IYD: variants seen among roughly 807,000 people sequenced by gnomAD.
IYD encodes the protein iodotyrosine deiodinase 1.
Under a neutral mutation model 28.4 loss-of-function variants are expected in IYD, and 25 were observed. That is an observed-to-expected ratio of 0.88 (90% CI 0.64 to 1.23). IYD has a LOEUF of 1.23. IYD is among the 50% of genes most tolerant of loss of function. The probability of loss-of-function intolerance (pLI) is 0.00; values close to 1 mark genes in which losing one functional copy is unlikely to be tolerated. For missense variants in IYD, 352 were observed against 357.9 expected (o/e 0.98, Z 0.13); for synonymous variants, 140 against 130.8 (o/e 1.07, Z -0.48).
chr6:150,384,848 T>C (rs1020204819), intron 1 of IYD: 1 of 152,206 alleles, frequency 6.6e-6, no homozygotes, highest in African/African-American at 2.4e-5. Context: ...TATTGGAAAA[T>C]CTTCTTCTAA....
intron 1 of IYD, among the ~76,000 whole-genome samples, chr6:150,385,660 G>A (rs1441918294): frequency 6.6e-6 from 1 of 151,550 alleles, no homozygotes; most frequent in East Asian, 1.9e-4. Flanking sequence ...GTAGTTTTTT[G>A]TTCTCTTAAT....
chr6:150,395,819 G>A (rs1778291573), intron 4 of IYD: 7 of 611,546 alleles, frequency 1.1e-5, no homozygotes, highest in East Asian at 5.5e-5. Flanking sequence ...AGGGGCAGGC[G>A]GGGAAGTGTC....
Position 150,399,452 on chromosome 6 carries a change from C to T in IYD, c.*1215C>T, listed in dbSNP as rs1267025054. ...GGTCACAGTTGCCAGGTTGGGAATG[C>T]TAGATGTAGTCTTCACCCATCACCT... On this transcript the variant is annotated 3_prime_UTR_variant, in exon 5 of 5. Transcript: ENST00000344419. 1.3e-5 allele frequency: 2 copies of T among 152,136 alleles called. No homozygotes were observed. The highest frequency in any genetic ancestry group is 4.8e-5 in the African/African-American group (2 of 41,424). The allele number at this position is 152,136 out of a possible 1,614,324, so 9.4% of individuals were successfully genotyped here.
At chr6:150,374,628 A>T (rs1443924317) in intron 1 of IYD, among the ~76,000 whole-genome samples, 2 of 152,242 alleles carry the variant, frequency 1.3e-5, no homozygotes, top group African/African-American at 4.8e-5. Flanking sequence ...CAAGAACAGT[A>T]TGGGGGAAAC....
chr6:150,377,005 G>A (rs1052332790), intron 1 of IYD, among the ~76,000 whole-genome samples: 10 of 152,116 alleles, frequency 6.6e-5, no homozygotes, highest in Admixed American at 6.5e-4. Flanking sequence ...TCAGGAAAAA[G>A]GATCAGAGAG....
chr6:150,399,389 A>G lies in IYD; in HGVS notation c.*1152A>G, dbSNP rs1387070702. The G allele has an allele frequency of 6.6e-6, 1 of 152,148 alleles. No homozygotes were observed. Among genetic ancestry groups the G allele is most frequent in the African/African-American group, 2.4e-5 (1 of 41,422 alleles). 9.4% of individuals were successfully genotyped at this position (152,148 alleles called of 1,614,324 possible). ...CAACCCCTGAAACACACTGACCCCT[A>G]TTCTCCAGATGACAGCACAGCTGTT... is the stretch of plus-strand genomic sequence containing the variant. On this transcript the variant is annotated 3_prime_UTR_variant, in exon 5 of 5. Coordinates refer to ENST00000344419, the MANE Select transcript of IYD (RefSeq NM_203395.3).
intron 1 of IYD, among the ~76,000 whole-genome samples, chr6:150,374,685 A>C (rs183271985): frequency 6.6e-6 from 1 of 152,198 alleles, no homozygotes; most frequent in African/African-American, 2.4e-5. Flanking sequence ...CCCACAACAC[A>C]TGGGAATTAT....
chr6:150,400,669 C>G lies in IYD; in HGVS notation c.*2432C>G, dbSNP rs898439769. Reference sequence around the variant, plus strand: ...GGGGGACTGTCTTGTCCTTGCTACTCAAAGAGTGGTCCTGGGCCTGTATCA... The same window carrying G: ...GGGGGACTGTCTTGTCCTTGCTACTGAAAGAGTGGTCCTGGGCCTGTATCA... On this transcript the variant is annotated 3_prime_UTR_variant, in exon 5 of 5. Coordinates refer to ENST00000344419, the MANE Select transcript of IYD (RefSeq NM_203395.3). 2.6e-5 allele frequency: 4 copies of G among 152,324 alleles called. 1 individual carries two copies. Among genetic ancestry groups the G allele is most frequent in the Middle Eastern group, 6.8e-3 (2 of 294 alleles). The allele number at this position is 152,324 out of a possible 1,614,324, so 9.4% of individuals were successfully genotyped here. A position where few individuals can be genotyped will look rare whatever the true frequency, so the allele number is the denominator to read the frequency against.
At chr6:150,370,243 G>C (rs551134434) in intron 1 of IYD, among the ~76,000 whole-genome samples, 3 of 144,688 alleles carry the variant, frequency 2.1e-5, no homozygotes, top group Non-Finnish European at 4.5e-5. Flanking sequence ...GTGTGCATGA[G>C]AGTGGATGTG....
At chr6:150,369,832 G>A in intron 1 of IYD, 1 of 631,928 alleles carries the variant, frequency 1.6e-6, no homozygotes, top group East Asian at 2.7e-5. Flanking sequence ...CAAATAGCAA[G>A]TGCTGGGAGG....
rs183756402 is a variant in IYD at position 150,396,667 on chromosome 6, G to A, written c.688-1388G>A. 3.4e-4 allele frequency: 136 copies of A among 394,770 alleles called. 1 individual carries two copies. The East Asian group carries it at 6.3e-3, about 18-fold the overall frequency. 24.5% of individuals were successfully genotyped at this position (394,770 alleles called of 1,614,324 possible). A position where few individuals can be genotyped will look rare whatever the true frequency, so the allele number is the denominator to read the frequency against. ...AGGCGGGCGGATCACGAGGTCAGGA[G>A]ATCGAGACCATCCTGGCTAACATGG... On this transcript the variant is annotated intron_variant, in intron 4 of 4. Coordinates refer to ENST00000344419, the MANE Select transcript of IYD (RefSeq NM_203395.3).
intron 1 of IYD, among the ~76,000 whole-genome samples, chr6:150,388,626 T>TCTTTCTTTCTTTCTTTCTTTC (rs1365065110): frequency 7.3e-6 from 1 of 136,664 alleles, no homozygotes; most frequent in African/African-American, 2.8e-5. Context: ...AGTCTGGAGT[T>TCTTTCTTTCTTTCTTTCTTTC]TTTGCTTTCT....
chr6:150,382,042 C>A (rs1777663445), intron 1 of IYD, among the ~76,000 whole-genome samples: 1 of 152,168 alleles, frequency 6.6e-6, no homozygotes, highest in Admixed American at 6.5e-5. Context: ...CACGCAGATC[C>A]CCCCTTGAGG....
rs1488606249 is a variant in IYD, at chr6:150,401,132, A to G, written c.*2895A>G. On this transcript the variant is annotated 3_prime_UTR_variant, in exon 5 of 5. Coordinates refer to ENST00000344419, the MANE Select transcript of IYD (RefSeq NM_203395.3). ...CTCATTATACTCTTATTTTAAATTT[A>G]TATTTGAACACAGTCAAATCTGAAT... is the stretch of plus-strand genomic sequence containing the variant. 1 of 152,232 alleles carries G rather than the reference A, an allele frequency of 6.6e-6. No homozygotes were observed. Among genetic ancestry groups the G allele is most frequent in the East Asian group, 1.9e-4 (1 of 5,198 alleles). 9.4% of individuals were successfully genotyped at this position (152,232 alleles called of 1,614,324 possible).
At chr6:150,373,435 AGT>A (rs1050895266) in intron 1 of IYD, among the ~76,000 whole-genome samples, 3 of 152,166 alleles carry the variant, frequency 2.0e-5, no homozygotes, top group Non-Finnish European at 4.4e-5. Flanking sequence ...AGCTCCTCTG[AGT>A]GTCAGAGTCT....
chr6:150,372,575 G>A (rs1359855072), intron 1 of IYD, among the ~76,000 whole-genome samples: 1 of 27,424 alleles, frequency 3.6e-5, no homozygotes, highest in Non-Finnish European at 5.6e-5. Flanking sequence ...GTGTGTGGGC[G>A]GTGTGGGGGG....
intron 4 of IYD, among the ~76,000 whole-genome samples, chr6:150,394,752 G>A (rs918243029): frequency 4.6e-5 from 7 of 152,214 alleles, no homozygotes; most frequent in South Asian, 2.1e-4. Context: ...ATGAAATGGA[G>A]CAGGATTGCT....
chr6:150,395,918 C>A (rs3823260), intron 4 of IYD: 56,148 of 502,926 alleles, frequency 0.11, 7,716 homozygotes, highest in African/African-American at 0.43. Context: ...ACTGAGTCCC[C>A]TATCAACGGG....
At position 150,394,261 on chromosome 6, in the gene IYD, T is replaced by C. The variant is rs1404037978; in HGVS notation, c.687+6T>C. 1.2e-6 allele frequency: 2 copies of C among 1,614,136 alleles called. No homozygotes were observed. Among genetic ancestry groups the C allele is most frequent in the South Asian group, 2.2e-5 (2 of 91,078 alleles). The stretch of plus-strand genomic sequence containing the variant: ...TCCTGCTAGCTGCCCTGCAGGTATG[T>C]TGAGACATCAAGGGTTACAGGGTGG... On this transcript the variant is annotated splice_donor_region_variant and intron_variant, in intron 4 of 4. Coordinates refer to ENST00000344419, the MANE Select transcript of IYD (RefSeq NM_203395.3).
Sources: gnomAD v4.1 joint callset for allele counts (sites outside exome capture counted in the v4.1 genomes callset) on GRCh38, gnomAD v4.1.1 for gene constraint, MANE v1.5 for transcripts, NCBI Gene and HGNC (gene_info 2026-07-23, HGNC 2026-07-21) for gene names.